CHN2: variants seen among roughly 807,000 people sequenced by gnomAD.
The protein encoded by CHN2 is beta-chimaerin.
In CHN2, 35 loss-of-function variants were observed where a neutral mutation model predicts 56.3. The observed-to-expected ratio is 0.62, with a 90% CI of 0.47 to 0.82. The LOEUF (loss-of-function observed/expected upper bound fraction) is 0.82. Among genes scored for constraint, CHN2 ranks in the 40% least tolerant of loss-of-function variants. The pLI is 0.00. For synonymous variants in CHN2, 210 were observed against 212.8 expected (o/e 0.99, Z 0.12); for missense variants, 491 against 580.5 (o/e 0.85, Z 1.58).
chr7:29,273,361 A>ATATATATGTG (rs1790877277), intron 1 of CHN2, among the ~76,000 whole-genome samples: 2 of 77,754 alleles, frequency 2.6e-5, no homozygotes, highest in African/African-American at 4.8e-5. Context: ...ATATATATAT[A>ATATATATGTG]TATATATATA....
intron 1 of CHN2, chr7:29,212,775 C>A (rs929303609): frequency 6.8e-6 from 11 of 1,609,854 alleles, no homozygotes; most frequent in Middle Eastern, 1.6e-4. Flanking sequence ...AACAACTGGC[C>A]GAAGAATAGC....
chr7:29,167,526 T>A (rs183662597), intron 2 of CHN2, among the ~76,000 whole-genome samples: 358 of 152,310 alleles, frequency 2.4e-3, no homozygotes, highest in Middle Eastern at 6.8e-3. Flanking sequence ...AAAGTATGTA[T>A]CTTAGAGTGG....
intron 6 of CHN2, among the ~76,000 whole-genome samples, chr7:29,415,461 G>A (rs896044204): frequency 6.6e-6 from 1 of 152,124 alleles, no homozygotes; most frequent in Non-Finnish European, 1.5e-5. Flanking sequence ...TGGAGTTTCT[G>A]TTTCCTATAG....
At chr7:29,457,667 A>C (rs1330621739) in intron 6 of CHN2, among the ~76,000 whole-genome samples, 3 of 152,206 alleles carry the variant, frequency 2.0e-5, no homozygotes, top group Non-Finnish European at 2.9e-5. Context: ...CCCTTTATTT[A>C]GCATTTAAAT....
At chr7:29,478,238 G>A (rs1205393892) in intron 6 of CHN2, among the ~76,000 whole-genome samples, 5 of 152,182 alleles carry the variant, frequency 3.3e-5, no homozygotes, top group Non-Finnish European at 7.3e-5. Flanking sequence ...AGCTACCAAG[G>A]TTAGCAGTTA....
intron 1 of CHN2, among the ~76,000 whole-genome samples, chr7:29,251,063 C>G (rs1788472840): frequency 6.6e-6 from 1 of 152,124 alleles, no homozygotes; most frequent in South Asian, 2.1e-4. Flanking sequence ...TAATTATGGG[C>G]AAGGATGGCA....
chr7:29,236,874 C>G (rs1787232494), intron 1 of CHN2, among the ~76,000 whole-genome samples: 1 of 152,184 alleles, frequency 6.6e-6, no homozygotes, highest in Non-Finnish European at 1.5e-5. Context: ...TGACTCCTGC[C>G]TCCCTTTTAT....
intron 2 of CHN2, among the ~76,000 whole-genome samples, chr7:29,171,934 G>A (rs1429955825): frequency 6.6e-6 from 1 of 152,170 alleles, no homozygotes; most frequent in Non-Finnish European, 1.5e-5. Flanking sequence ...TGACTTTAAA[G>A]AACAATCCAG....
At chr7:29,329,772 G>A (rs1796081379) in intron 1 of CHN2, among the ~76,000 whole-genome samples, 1 of 152,138 alleles carries the variant, frequency 6.6e-6, no homozygotes, top group Non-Finnish European at 1.5e-5. Flanking sequence ...CGGCAAATCT[G>A]TACAATAAAG....
Position 29,480,286 on chromosome 7 carries a change from C to T in CHN2, c.584C>T (p.Ser195Phe). Residue 195 changes from serine (S) to phenylalanine (F), a missense_variant, in exon 7 of 13, where the codon TCC (serine) becomes TTC (phenylalanine). By Grantham distance (155) the Ser-to-Phe change is radical. Transcript: ENST00000222792. ...CTCTTTGCCTGTTCACAGATCTCCT[C>T]CCTGGTTCGAAGGGCTGCCCTCACA... ...EEHTAVEKIS[S>F]LVRRAALTHN... The T allele has an allele frequency of 3.1e-6, 5 of 1,614,184 alleles. No homozygotes were observed. The highest frequency in any genetic ancestry group is 4.2e-6 in the Non-Finnish European group (5 of 1,180,030).
chr7:29,252,576 T>G (rs4339531), intron 1 of CHN2, among the ~76,000 whole-genome samples: 693 of 66,994 alleles, frequency 0.01, 141 homozygotes, highest in African/African-American at 0.067. Flanking sequence ...ATTGCATTCT[T>G]TGTTTTTTTT....
chr7:29,495,565 A>C (rs1012035599), intron 7 of CHN2, among the ~76,000 whole-genome samples: 3 of 152,162 alleles, frequency 2.0e-5, no homozygotes, highest in African/African-American at 7.2e-5. Flanking sequence ...GGAAAACTTC[A>C]GTCAAAAGGA....
chr7:29,252,404 G>A (rs572627745), intron 1 of CHN2, among the ~76,000 whole-genome samples: 1 of 150,590 alleles, frequency 6.6e-6, no homozygotes, highest in Non-Finnish European at 1.5e-5. Flanking sequence ...TAGCCAGGAT[G>A]GTCTCAAACT....
intron 1 of CHN2, among the ~76,000 whole-genome samples, chr7:29,242,773 AAAAAAAAAAAAAG>A (rs1480724053): frequency 8.7e-5 from 13 of 149,916 alleles, no homozygotes; most frequent in African/African-American, 3.2e-4. Flanking sequence ...AAAAAAAAAA[AAAAAAAAAAAAAG>A]GACAGGAAGA....
chr7:29,329,934 G>T (rs1047598287), intron 1 of CHN2, among the ~76,000 whole-genome samples: 3 of 152,140 alleles, frequency 2.0e-5, no homozygotes, highest in African/African-American at 7.2e-5. Context: ...AGCTCTCACT[G>T]TCTGGACTAT....
intron 6 of CHN2, among the ~76,000 whole-genome samples, chr7:29,422,368 A>G (rs573476583): frequency 6.6e-6 from 1 of 152,318 alleles, no homozygotes; most frequent in Admixed American, 6.5e-5. Context: ...AGCCACTGGT[A>G]TACTACTAGT....
chr7:29,335,415 G>A lies in CHN2; in HGVS notation c.50-19210G>A, dbSNP rs990349567. ...AGAGGAGCACCCACTTCCTGCCATAGAGGGCATGAAGCTGTGGACATAGGA... is the reference window on the plus strand; with the variant it reads ...AGAGGAGCACCCACTTCCTGCCATAAAGGGCATGAAGCTGTGGACATAGGA... On this transcript the variant is annotated intron_variant, in intron 1 of 12. Coordinates refer to ENST00000222792, the MANE Select transcript of CHN2 (RefSeq NM_004067.4). Among the ~76,000 whole-genome samples, 10 of 152,366 alleles carry A rather than the reference G, an allele frequency of 6.6e-5. No homozygotes were observed. The East Asian group carries it at 1.2e-3, about 18-fold the overall frequency.
chr7:29,268,826 G>GT (rs1438049006), intron 1 of CHN2, among the ~76,000 whole-genome samples: 1 of 152,192 alleles, frequency 6.6e-6, no homozygotes, highest in Non-Finnish European at 1.5e-5. Flanking sequence ...TACCTGATGG[G>GT]TAAGAGGAAA....
At position 29,509,385 on chromosome 7, in the gene CHN2, A is replaced by C. The variant is rs780826466; in HGVS notation, c.1214A>C (p.Tyr405Ser). ...LPPAHYETLR[Y>S]LMIHLKKVTM... is the part of the protein sequence containing the mutation. ...CCTGCCCACTATGAAACCCTCCGGTACCTAATGATCCACCTCAAAAAGTAA... is the reference window on the plus strand; with the variant it reads ...CCTGCCCACTATGAAACCCTCCGGTCCCTAATGATCCACCTCAAAAAGTAA... The change falls in exon 12 of 13, where the codon TAC (tyrosine) becomes TCC (serine). Residue 405 changes from tyrosine (Y) to serine (S), a missense_variant. By Grantham distance (144) the Tyr-to-Ser change is moderately radical (BLOSUM62 -2). Coordinates refer to ENST00000222792, the MANE Select transcript of CHN2 (RefSeq NM_004067.4). 6.2e-7 allele frequency: 1 copy of C among 1,613,816 alleles called. No homozygotes were observed. Among genetic ancestry groups the C allele is most frequent in the South Asian group, 1.1e-5 (1 of 91,084 alleles).
Sources: gnomAD v4.1 joint callset for allele counts (sites outside exome capture counted in the v4.1 genomes callset) on GRCh38, gnomAD v4.1.1 for gene constraint, MANE v1.5 for transcripts, NCBI Gene and HGNC (gene_info 2026-07-23, HGNC 2026-07-21) for gene names.